The following DENND4C variants were observed in gnomAD, a reference collection of about 807,000 sequenced individuals.
The protein encoded by DENND4C is DENN domain-containing protein 4C.
DENND4C carries 108 observed loss-of-function variants against 203.0 expected under a neutral mutation model. That is an observed-to-expected ratio of 0.53 (90% CI 0.46 to 0.62). The LOEUF (loss-of-function observed/expected upper bound fraction) is 0.62, where lower values mean the gene tolerates loss of function less well. Ranked by LOEUF, DENND4C falls within the 20% of genes least tolerant of loss-of-function variation. DENND4C has a pLI of 0.00. For synonymous variants in DENND4C, 871 were observed against 792.4 expected (o/e 1.10, Z -1.67); for missense variants, 2,481 against 2,301.2 (o/e 1.08, Z -1.60).
At position 19,286,904 on chromosome 9, in the gene DENND4C, T is replaced by A. The variant is rs1216307506; in HGVS notation, c.441T>A (p.Pro147=). ...TCTTTATCACTTATCGAAGGGCTCC[T>A]CCAGTTCGACCCCAGAATTCCTTGG... is the stretch of plus-strand genomic sequence containing the variant. The part of the protein sequence containing the change: ...QRIFITYRRA[P]PVRPQNSLAV... Residue 147 remains proline (P), a synonymous_variant, in exon 3 of 33, where the codon CCT becomes CCA. Coordinates refer to ENST00000434457, the MANE Select transcript of DENND4C (RefSeq NM_001330640.2). The A allele has an allele frequency of 8.1e-7, 1 of 1,231,996 alleles. No homozygotes were observed. The highest frequency in any genetic ancestry group is 1.6e-5 in the African/African-American group (1 of 64,406). 76.3% of individuals were successfully genotyped at this position (1,231,996 alleles called of 1,614,324 possible).
intron 26 of DENND4C, among the ~76,000 whole-genome samples, chr9:19,355,870 A>G (rs1342674672): frequency 2.6e-5 from 4 of 152,096 alleles, no homozygotes; most frequent in Non-Finnish European, 2.9e-5. Context: ...TGAGCCTGGT[A>G]TATCTCTGTA....
intron 24 of DENND4C, among the ~76,000 whole-genome samples, 191 bp downstream of exon 24, chr9:19,351,070 G>A (rs984005310): frequency 5.9e-5 from 9 of 152,042 alleles, no homozygotes; most frequent in African/African-American, 2.2e-4. Flanking sequence ...GCCTGTCTTT[G>A]CTTATTTTAA....
intron 1 of DENND4C, among the ~76,000 whole-genome samples, chr9:19,265,193 T>G (rs1303135243): frequency 6.6e-6 from 1 of 152,042 alleles, no homozygotes; most frequent in East Asian, 1.9e-4. Flanking sequence ...TTACTGTATT[T>G]TTTTTTAGAG....
chr9:19,369,714 C>A, intron 30 of DENND4C, 123 bp from the exon 31 acceptor site: 1 of 511,208 alleles, frequency 2.0e-6, no homozygotes. Flanking sequence ...TTGCAGTGAG[C>A]CATGATCACA....
chr9:19,304,062 A>AT (rs1491310321), intron 9 of DENND4C, among the ~76,000 whole-genome samples: 1 of 150,094 alleles, frequency 6.7e-6, no homozygotes, highest in Non-Finnish European at 1.5e-5. Context: ...AAAAAAAAAA[A>AT]CCCACAAATG....
At chr9:19,259,047 C>T (rs144690553) in intron 1 of DENND4C, among the ~76,000 whole-genome samples, 305 of 152,220 alleles carry the variant, frequency 2.0e-3, no homozygotes, top group African/African-American at 6.9e-3. Context: ...GTGTTCACAT[C>T]AGGGTAAATG....
intron 30 of DENND4C, among the ~76,000 whole-genome samples, chr9:19,365,819 A>G (rs1827546416): frequency 6.6e-6 from 1 of 151,916 alleles, no homozygotes; most frequent in Non-Finnish European, 1.5e-5. Context: ...AAACAATTTT[A>G]TTTATTTATA....
rs1472405880 is a variant in DENND4C, at chr9:19,341,063, G to A, written c.2953G>A (p.Glu985Lys). The change falls in exon 21 of 33, where the codon GAA (glutamate) becomes AAA (lysine). Residue 985 changes from glutamate to lysine, a missense_variant. Physicochemically the swap from Glu to Lys is moderately conservative, Grantham distance 56. Coordinates refer to ENST00000434457, the MANE Select transcript of DENND4C (RefSeq NM_001330640.2). ...GGATGATGCAGAAATTCATGTGCCT[G>A]AAGAACAGGCAGCAAGAGAATTGAT... is the stretch of plus-strand genomic sequence containing the variant. ...IKDDAEIHVP[E>K]EQAARELITK... 1.2e-6 allele frequency: 2 copies of A among 1,613,142 alleles called. No homozygotes were observed. Among genetic ancestry groups the A allele is most frequent in the South Asian group, 2.2e-5 (2 of 90,966 alleles).
chr9:19,246,889 C>G (rs893633327), intron 1 of DENND4C, among the ~76,000 whole-genome samples: 2 of 152,188 alleles, frequency 1.3e-5, no homozygotes, highest in African/African-American at 4.8e-5. Flanking sequence ...TCATTTCTCA[C>G]ACACACCTTT....
In DENND4C at chr9:19,305,624, G is replaced by T. The variant is rs536133564; in HGVS notation, c.1487+97G>T. On this transcript the variant is annotated intron_variant, in intron 10 of 32. Transcript: ENST00000434457. The stretch of plus-strand genomic sequence containing the variant: ...ATCTAGAAATATGCTATTTTTGGTA[G>T]TTGTTAAATCTTCGTCTTAAATACA... 2.4e-6 allele frequency: 3 copies of T among 1,275,488 alleles called. No individual in the cohort carries two copies. In the African/African-American group the frequency reaches 4.4e-5, roughly 19 times the overall value. 79.0% of individuals were successfully genotyped at this position (1,275,488 alleles called of 1,614,324 possible).
chr9:19,258,579 A>G (rs1377718332), intron 1 of DENND4C, among the ~76,000 whole-genome samples: 1 of 147,924 alleles, frequency 6.8e-6, no homozygotes, highest in African/African-American at 2.5e-5. Flanking sequence ...AACAAATAAA[A>G]GAAAAGCCAT....
chr9:19,291,067 C>A (rs1836194217), intron 5 of DENND4C, among the ~76,000 whole-genome samples, 191 bp downstream of exon 5: 1 of 152,158 alleles, frequency 6.6e-6, no homozygotes, highest in South Asian at 2.1e-4. Flanking sequence ...TCTGGAACTT[C>A]TACAGAAGCA....
At chr9:19,243,296 G>A (rs1588720462) in intron 1 of DENND4C, among the ~76,000 whole-genome samples, 1 of 152,170 alleles carries the variant, frequency 6.6e-6, no homozygotes, top group East Asian at 1.9e-4. Context: ...TGTTTTTCAG[G>A]TTCACCTATG....
rs908367980 is a variant in DENND4C at position 19,358,081 on chromosome 9, T to G, written c.5081T>G (p.Leu1694Trp). Residue 1694 changes from leucine to tryptophan, a missense_variant, in exon 28 of 33, where the codon TTG (leucine) becomes TGG (tryptophan). Leu to Trp is a moderately conservative substitution (Grantham distance 61, BLOSUM62 -2). Around this residue, in one of 3 missense-constraint regions of DENND4C, gnomAD observed 2,289 missense variants for 2,113.3 expected, o/e 1.08. Transcript: ENST00000434457. The surrounding 1 kb of genome is among the most constrained non-coding windows in gnomAD (Gnocchi z 4.8). ...CGAAGTCACAGTGTTGGAGGCCCAT[T>G]GCAGAATATTGACTTTACCCAGCGA... is the stretch of plus-strand genomic sequence containing the variant. ...LTRSHSVGGPLQNIDFTQRPF... is the reference protein window; with the variant it reads ...LTRSHSVGGPWQNIDFTQRPF... 1 of 1,613,988 alleles carries G rather than the reference T, an allele frequency of 6.2e-7. No homozygotes were observed. The highest frequency in any genetic ancestry group is 8.5e-7 in the Non-Finnish European group (1 of 1,179,862).
intron 1 of DENND4C, among the ~76,000 whole-genome samples, chr9:19,259,105 C>T (rs1828709866): frequency 6.6e-6 from 1 of 151,956 alleles, no homozygotes; most frequent in Non-Finnish European, 1.5e-5. Context: ...TCGAACATTC[C>T]AATGGTACTT....
At chr9:19,334,879 C>A (rs1820085311) in intron 17 of DENND4C, 98 bp from the exon 18 acceptor site, 1 of 1,226,692 alleles carries the variant, frequency 8.2e-7, no homozygotes, top group South Asian at 1.8e-5. Flanking sequence ...GGAGAAAATA[C>A]TGCTTAATAA....
At chr9:19,291,728 G>A (rs1836357706) in intron 5 of DENND4C, among the ~76,000 whole-genome samples, 1 of 150,648 alleles carries the variant, frequency 6.6e-6, no homozygotes, top group Non-Finnish European at 1.5e-5. Flanking sequence ...AAAAATAGCA[G>A]AGATAAGACA....
intron 8 of DENND4C, 62 bp downstream of exon 8, chr9:19,299,349 T>G (rs1838089264): frequency 8.8e-7 from 1 of 1,129,976 alleles, no homozygotes; most frequent in East Asian, 2.6e-5. Flanking sequence ...TTAAAATATT[T>G]TAGTGATTAG....
intron 12 of DENND4C, among the ~76,000 whole-genome samples, chr9:19,319,393 C>CATATATATATACACACATATATATAT (rs1842476407): frequency 7.5e-6 from 1 of 132,468 alleles, no homozygotes; most frequent in Non-Finnish European, 1.5e-5. Context: ...TATATATATA[C>CATATATATATACACACATATATATAT]ATATATATAT....
Sources: allele counts gnomAD v4.1 joint callset (sites outside exome capture counted in the v4.1 genomes callset), GRCh38; gene constraint gnomAD v4.1.1; regional missense constraint gnomAD v4.1.1; non-coding constraint Gnocchi (gnomAD v3.1); transcripts MANE v1.5; gene names NCBI Gene and HGNC (gene_info 2026-07-23, HGNC 2026-07-21).